Variants in CSMD3 observed in about 807,000 individuals in gnomAD.
CSMD3 encodes CUB and sushi domain-containing protein 3.
A neutral mutation model predicts 435.2 loss-of-function variants in CSMD3; 177 were observed. The ratio of observed to expected loss-of-function variants is 0.41; its 90% CI spans 0.36 to 0.46. CSMD3 has a LOEUF of 0.46. Ranked by LOEUF, CSMD3 falls within the 20% of genes least tolerant of loss-of-function variation. The probability of loss-of-function intolerance (pLI) is 0.34; values close to 1 mark genes in which losing one functional copy is unlikely to be tolerated. For synonymous variants in CSMD3, 1,656 were observed against 1,520.5 expected, an observed-to-expected ratio of 1.09 and a Z score of -2.07; for missense variants, 4,265 against 4,504.6, an observed-to-expected ratio of 0.95 and a Z score of 1.52.
At chr8:112,334,995 A>C (rs1015968851) in intron 45 of CSMD3, among the ~76,000 whole-genome samples, 1 of 152,196 alleles carries the variant, frequency 6.6e-6, no homozygotes, top group Admixed American at 6.5e-5. Flanking sequence ...TGTATAGGAA[A>C]AAAATCTATT....
chr8:112,318,995 T>C, intron 46 of CSMD3, 45 bp from the exon 47 acceptor site: 1 of 1,071,488 alleles, frequency 9.3e-7, no homozygotes, highest in Non-Finnish European at 1.4e-6. Context: ...AACAAGGTGA[T>C]GATAAAAATA....
chr8:112,723,132 T>C (rs926609462), intron 13 of CSMD3, among the ~76,000 whole-genome samples: 5 of 152,014 alleles, frequency 3.3e-5, no homozygotes, highest in Admixed American at 1.3e-4. Context: ...TAATAATCAT[T>C]AACCTAAGTA....
chr8:112,298,066 C>CAAA (rs35232021), intron 53 of CSMD3, among the ~76,000 whole-genome samples: 113 of 93,444 alleles, frequency 1.2e-3, no homozygotes, highest in Non-Finnish European at 1.7e-3. Flanking sequence ...TGCCATTGCA[C>CAAA]AAAAAAAAAA....
intron 4 of CSMD3, among the ~76,000 whole-genome samples, chr8:113,106,420 A>G (rs1449633497): frequency 6.6e-6 from 1 of 152,216 alleles, no homozygotes; most frequent in Non-Finnish European, 1.5e-5. Context: ...ACTATTCAGA[A>G]TGCAGCTAAG....
chr8:113,417,779 G>A (rs1191216185), intron 1 of CSMD3, among the ~76,000 whole-genome samples: 1 of 151,878 alleles, frequency 6.6e-6, no homozygotes, highest in African/African-American at 2.4e-5. Flanking sequence ...AAAAGGACAA[G>A]CTAAAGGAAA....
chr8:112,679,032 A>G (rs1319932324), intron 16 of CSMD3, among the ~76,000 whole-genome samples: 1 of 150,670 alleles, frequency 6.6e-6, no homozygotes, highest in Non-Finnish European at 1.5e-5. Context: ...ATAGTTCTCT[A>G]TGTAAGTGGG....
chr8:112,246,818 T>A (rs970410954), intron 64 of CSMD3, among the ~76,000 whole-genome samples: 1 of 152,202 alleles, frequency 6.6e-6, no homozygotes, highest in East Asian at 1.9e-4. Flanking sequence ...TTGTGCCTTG[T>A]GCTTTCTGAC....
chr8:112,413,828 A>G (rs1041340976), intron 32 of CSMD3, among the ~76,000 whole-genome samples: 2 of 152,130 alleles, frequency 1.3e-5, no homozygotes, highest in Admixed American at 6.6e-5. Flanking sequence ...CCTCTTCCCA[A>G]CTAGGCCCTG....
intron 7 of CSMD3, among the ~76,000 whole-genome samples, chr8:112,962,646 T>G (rs2084273866): frequency 6.6e-6 from 1 of 151,954 alleles, no homozygotes; most frequent in African/African-American, 2.4e-5. Flanking sequence ...TCACTAGAAA[T>G]ATTAATATCA....
chr8:112,984,624 G>A (rs1024893634), intron 6 of CSMD3, among the ~76,000 whole-genome samples: 2 of 152,040 alleles, frequency 1.3e-5, no homozygotes, highest in African/African-American at 4.8e-5. Flanking sequence ...TAAGTCTGTT[G>A]CTTAATTAGA....
chr8:112,954,591 C>A, intron 8 of CSMD3, 93 bp downstream of exon 8: 2 of 751,922 alleles, frequency 2.7e-6, no homozygotes, highest in South Asian at 3.0e-5. Context: ...TTGGTAAATA[C>A]ACAAATATTT....
chr8:113,250,524 T>C (rs1293551162), intron 3 of CSMD3, among the ~76,000 whole-genome samples: 1 of 152,136 alleles, frequency 6.6e-6, no homozygotes, highest in Non-Finnish European at 1.5e-5. Context: ...ATATTGATTG[T>C]AGAAACAGAT....
At chr8:113,312,501 G>C (rs570113217) in intron 2 of CSMD3, 3 of 152,026 alleles carry the variant, frequency 2.0e-5, no homozygotes, top group Non-Finnish European at 4.4e-5. Flanking sequence ...TCCTAACTTC[G>C]CAATTTTTTA....
chr8:113,164,218 T>C (rs960008124), intron 4 of CSMD3, among the ~76,000 whole-genome samples: 6 of 151,966 alleles, frequency 3.9e-5, no homozygotes, highest in Non-Finnish European at 7.4e-5. Flanking sequence ...TTTATTATAG[T>C]TTGCCTTAAT....
At chr8:112,522,496 A>G (rs2131020088) in intron 27 of CSMD3, among the ~76,000 whole-genome samples, 1 of 151,978 alleles carries the variant, frequency 6.6e-6, no homozygotes, top group East Asian at 1.9e-4. Flanking sequence ...GCTATGCCCT[A>G]GGAAGAAATA....
At chr8:112,991,183 A>G (rs569909067) in intron 6 of CSMD3, among the ~76,000 whole-genome samples, 3 of 151,760 alleles carry the variant, frequency 2.0e-5, no homozygotes, top group African/African-American at 7.2e-5. Context: ...AATTAAATAT[A>G]TATATATTGC....
intron 30 of CSMD3, among the ~76,000 whole-genome samples, chr8:112,496,885 GATA>G (rs1821407357): frequency 6.6e-6 from 1 of 152,050 alleles, no homozygotes; most frequent in Non-Finnish European, 1.5e-5. Context: ...TCCAGTATTT[GATA>G]GCACAACAGG....
intron 41 of CSMD3, among the ~76,000 whole-genome samples, chr8:112,341,985 T>A (rs1825159889): frequency 6.6e-6 from 1 of 152,140 alleles, no homozygotes. Flanking sequence ...TATTCTTTAA[T>A]ACGCTTTAAA....
chr8:112,279,010 AAAAAACAACAACAACAACAACAAC>A (rs1818362557), intron 59 of CSMD3, among the ~76,000 whole-genome samples: 1 of 133,058 alleles, frequency 7.5e-6, no homozygotes, highest in South Asian at 2.2e-4. Context: ...CTCCACCCCC[AAAAAACAACAACAACAACAACAAC>A]AACAACAACA....
Sources: gnomAD v4.1 joint callset for allele counts (sites outside exome capture counted in the v4.1 genomes callset) on GRCh38, gnomAD v4.1.1 for gene constraint, MANE v1.5 for transcripts, NCBI Gene and HGNC (gene_info 2026-07-23, HGNC 2026-07-21) for gene names.